The following DRC11 variants were observed in gnomAD, a reference collection of about 807,000 sequenced individuals.
DRC11 encodes IQ and AAA domain-containing protein 1.
the DRC11 span, among the ~76,000 whole-genome samples, chr2:236,483,735 C>T: frequency 1.3e-5 from 2 of 152,190 alleles, no homozygotes; most frequent in African/African-American, 4.8e-5. This position sits in a 1 kb window ranked among gnomAD's most constrained non-coding sequence, Gnocchi z 4.8. Context: ...TAAAACTAAA[C>T]GAACTTGCCG....
the DRC11 span, chr2:236,408,321 C>T: frequency 1.9e-5 from 15 of 777,880 alleles, no homozygotes; most frequent in South Asian, 2.0e-4. This position sits in a 1 kb window ranked among gnomAD's most constrained non-coding sequence, Gnocchi z 5.5. Flanking sequence ...CAATCCAGGC[C>T]ACCTTGCGCA....
At chr2:236,370,734 G>A in the DRC11 span, among the ~76,000 whole-genome samples, 8 of 150,030 alleles carry the variant, frequency 5.3e-5, no homozygotes, top group Non-Finnish European at 1.0e-4. The surrounding 1 kb of genome is among the most constrained non-coding windows in gnomAD (Gnocchi z 5.5). Flanking sequence ...TGTGGCAGGT[G>A]CTTGCTGCTG....
the DRC11 span, among the ~76,000 whole-genome samples, chr2:236,489,969 A>G: frequency 1.3e-5 from 2 of 152,202 alleles, no homozygotes; most frequent in Non-Finnish European, 2.9e-5. Flanking sequence ...GCACCAAAGC[A>G]TAGGTGAAGC....
the DRC11 span, among the ~76,000 whole-genome samples, chr2:236,426,595 C>G: frequency 6.6e-6 from 1 of 152,110 alleles, no homozygotes; most frequent in Non-Finnish European, 1.5e-5. The surrounding 1 kb of genome is among the most constrained non-coding windows in gnomAD (Gnocchi z 4.1). Flanking sequence ...TCAATACAGA[C>G]AGGGTCTTGC....
chr2:236,372,894 G>A, the DRC11 span, among the ~76,000 whole-genome samples: 1 of 152,176 alleles, frequency 6.6e-6, no homozygotes, highest in Non-Finnish European at 1.5e-5. This position sits in a 1 kb window ranked among gnomAD's most constrained non-coding sequence, Gnocchi z 4.5. Flanking sequence ...TTACACGTGT[G>A]AGCCACTGTG....
the DRC11 span, among the ~76,000 whole-genome samples, chr2:236,506,559 C>T: frequency 6.6e-6 from 1 of 152,226 alleles, no homozygotes; most frequent in South Asian, 2.1e-4. This position sits in a 1 kb window ranked among gnomAD's most constrained non-coding sequence, Gnocchi z 4.9. Context: ...CGGCTTGGCA[C>T]TGTTCACTTG....
the DRC11 span, among the ~76,000 whole-genome samples, chr2:236,478,033 T>TG: frequency 0.013 from 1,875 of 141,908 alleles, 45 homozygotes; most frequent in African/African-American, 0.048. The surrounding 1 kb of genome is among the most constrained non-coding windows in gnomAD (Gnocchi z 5.9). Context: ...GTGTGTGTGT[T>TG]TTAGTCTCAA....
chr2:236,323,822 A>C, the DRC11 span, among the ~76,000 whole-genome samples: 1 of 152,122 alleles, frequency 6.6e-6, no homozygotes, highest in South Asian at 2.1e-4. The surrounding 1 kb of genome is among the most constrained non-coding windows in gnomAD (Gnocchi z 6.4). Context: ...ATCTTCCACC[A>C]ATAACCTTTC....
chr2:236,377,172 G>A, the DRC11 span: 1 of 1,611,144 alleles, frequency 6.2e-7, no homozygotes, highest in Non-Finnish European at 8.5e-7. This position sits in a 1 kb window ranked among gnomAD's most constrained non-coding sequence, Gnocchi z 4.9. Flanking sequence ...TCCTTATACA[G>A]AGACTCGATG....
At chr2:236,355,720 C>CAT in the DRC11 span, among the ~76,000 whole-genome samples, 1 of 137,432 alleles carries the variant, frequency 7.3e-6, no homozygotes, top group Non-Finnish European at 1.6e-5. Context: ...ACTAATTGTA[C>CAT]ATCTCTCTCT....
chr2:236,389,016 C>T, the DRC11 span, among the ~76,000 whole-genome samples: 3 of 151,988 alleles, frequency 2.0e-5, no homozygotes, highest in South Asian at 6.2e-4. Context: ...GCAGTCTGCC[C>T]GTTCTCAGAT....
chr2:236,447,880 C>T, the DRC11 span, among the ~76,000 whole-genome samples: 2 of 148,840 alleles, frequency 1.3e-5, no homozygotes, highest in East Asian at 4.0e-4. The surrounding 1 kb of genome is among the most constrained non-coding windows in gnomAD (Gnocchi z 4.6). Context: ...TGAAAGCTGG[C>T]CAGGGGAGGG....
chr2:236,378,695 T>C, the DRC11 span, among the ~76,000 whole-genome samples: 1 of 146,218 alleles, frequency 6.8e-6, no homozygotes, highest in Admixed American at 6.8e-5. Context: ...AAAAAAAAGC[T>C]AGAAGACACC....
the DRC11 span, among the ~76,000 whole-genome samples, chr2:236,397,596 G>C: frequency 2.6e-5 from 4 of 152,242 alleles, no homozygotes; most frequent in African/African-American, 7.2e-5. The surrounding 1 kb of genome is among the most constrained non-coding windows in gnomAD (Gnocchi z 5.0). Context: ...ATGTTTGAAG[G>C]TGTGGGAGTT....
the DRC11 span, among the ~76,000 whole-genome samples, chr2:236,345,451 T>C: frequency 6.6e-6 from 1 of 152,170 alleles, no homozygotes. Context: ...TGAAAATGAA[T>C]GGAGAACTGG....
At chr2:236,472,133 A>C in the DRC11 span, among the ~76,000 whole-genome samples, 418 of 152,278 alleles carry the variant, frequency 2.7e-3, 1 homozygote, top group African/African-American at 9.4e-3. The surrounding 1 kb of genome is among the most constrained non-coding windows in gnomAD (Gnocchi z 4.6). Flanking sequence ...AAAGCCTCCT[A>C]GAGTGGCCTT....
the DRC11 span, among the ~76,000 whole-genome samples, chr2:236,366,377 C>T: frequency 2.0e-5 from 3 of 152,174 alleles, no homozygotes; most frequent in Admixed American, 2.0e-4. Flanking sequence ...CAACTGGAGC[C>T]CCCAGACATT....
chr2:236,331,740 G>A, the DRC11 span: 10 of 643,820 alleles, frequency 1.6e-5, no homozygotes, highest in East Asian at 2.7e-5. This position sits in a 1 kb window ranked among gnomAD's most constrained non-coding sequence, Gnocchi z 4.8. Flanking sequence ...CAAATGAACC[G>A]AAGCCAAGTA....
At chr2:236,466,498 TCA>T in the DRC11 span, among the ~76,000 whole-genome samples, 1 of 152,208 alleles carries the variant, frequency 6.6e-6, no homozygotes, top group Non-Finnish European at 1.5e-5. Flanking sequence ...TTATTTTGGC[TCA>T]CAGTTCTGCA....
Sources: allele counts gnomAD v4.1 joint callset (sites outside exome capture counted in the v4.1 genomes callset), GRCh38; gene constraint gnomAD v4.1.1; non-coding constraint Gnocchi (gnomAD v3.1); transcripts MANE v1.5; gene names NCBI Gene and HGNC (gene_info 2026-07-23, HGNC 2026-07-21).